The following LRCH1 variants were observed in gnomAD, a reference collection of about 807,000 sequenced individuals.
LRCH1 encodes leucine rich repeats and calponin homology domain containing 1, also known as leucine-rich repeat and calponin homology domain-containing protein 1.
Under a neutral mutation model 94.9 loss-of-function variants are expected in LRCH1, and 23 were observed. The observed-to-expected ratio is 0.24, with a 90% CI of 0.17 to 0.34. The LOEUF is 0.34. Ranked by LOEUF, LRCH1 falls within the 10% of genes least tolerant of loss-of-function variation. The probability of loss-of-function intolerance (pLI) is 1.00; values close to 1 mark genes in which losing one functional copy is unlikely to be tolerated. For missense variants in LRCH1, 790 were observed against 945.9 expected (o/e 0.84, Z 2.16); for synonymous variants, 364 against 354.9 (o/e 1.03, Z -0.29).
At chr13:46,564,637 CACCCACCTGAGGGA>C (rs1161869997) in intron 1 of LRCH1, among the ~76,000 whole-genome samples, 1 of 152,230 alleles carries the variant, frequency 6.6e-6, no homozygotes, top group Non-Finnish European at 1.5e-5. Flanking sequence ...GCCGGGGAGC[CACCCACCTGAGGGA>C]GGCGTGCAGG....
At chr13:46,699,502 G>A in intron 10 of LRCH1, 99 bp downstream of exon 10, 1 of 1,007,570 alleles carries the variant, frequency 9.9e-7, no homozygotes, top group Non-Finnish European at 1.6e-6. Flanking sequence ...CTGCTTTTCT[G>A]TGGGCAAGCT....
At chr13:46,693,151 A>G (rs1369221370) in intron 8 of LRCH1, among the ~76,000 whole-genome samples, 2 of 151,856 alleles carry the variant, frequency 1.3e-5, no homozygotes, top group African/African-American at 2.4e-5. Flanking sequence ...CTTTAAATCC[A>G]TTCTTGGAAA....
At position 46,705,989 on chromosome 13, in the gene LRCH1, A is replaced by G. The variant is rs116996003; in HGVS notation, c.1527+685A>G. Among the ~76,000 whole-genome samples, 919 of 152,336 alleles carry G rather than the reference A, an allele frequency of 6.0e-3. 5 individuals carry two copies. Among genetic ancestry groups the G allele is most frequent in the Non-Finnish European group, 8.5e-3 (580 of 68,022 alleles). On this transcript the variant is annotated intron_variant, in intron 13 of 19. Transcript: ENST00000389797. Reference sequence around the variant, plus strand: ...AACCCATTTCCTGAATGGATTTAGGATGGCTAATTTAGGCACCAAGATTGT... The same window carrying G: ...AACCCATTTCCTGAATGGATTTAGGGTGGCTAATTTAGGCACCAAGATTGT...
At chr13:46,634,968 A>G (rs933755464) in intron 1 of LRCH1, among the ~76,000 whole-genome samples, 5 of 152,214 alleles carry the variant, frequency 3.3e-5, no homozygotes, top group African/African-American at 9.7e-5. Context: ...AGTTAGATAC[A>G]TGCTCTGGGA....
intron 5 of LRCH1, among the ~76,000 whole-genome samples, chr13:46,687,299 A>C (rs1478279517): frequency 6.6e-6 from 1 of 152,224 alleles, no homozygotes; most frequent in African/African-American, 2.4e-5. Context: ...AATGGAATTT[A>C]AACACCTTAA....
intron 1 of LRCH1, among the ~76,000 whole-genome samples, chr13:46,590,941 C>T (rs2137961772): frequency 6.6e-6 from 1 of 151,874 alleles, no homozygotes; most frequent in Admixed American, 6.6e-5. Context: ...TGAGATGTTT[C>T]TTCTCTGAAC....
At chr13:46,597,647 G>A (rs1025790381) in intron 1 of LRCH1, among the ~76,000 whole-genome samples, 7 of 152,078 alleles carry the variant, frequency 4.6e-5, no homozygotes, top group Non-Finnish European at 7.4e-5. Flanking sequence ...GTGAACCACC[G>A]CGCCTGGCCC....
rs780117234 is a variant in LRCH1 at position 46,744,108 on chromosome 13, G to A, written c.*2260G>A. ...CATTAATTTCTAATCAGAATATTAA[G>A]CTTCTCTGTGGTTTTTCTCCAAGGT... On this transcript the variant is annotated 3_prime_UTR_variant, in exon 20 of 20. Coordinates refer to ENST00000389797, the MANE Select transcript of LRCH1 (RefSeq NM_001164211.2). 2 of 985,344 alleles carry A rather than the reference G, an allele frequency of 2.0e-6. No homozygotes were observed. Among genetic ancestry groups the A allele is most frequent in the Non-Finnish European group, 2.4e-6 (2 of 829,928 alleles). The allele number at this position is 985,344 out of a possible 1,614,324, so 61.0% of individuals were successfully genotyped here.
At chr13:46,615,363 C>T (rs1217273172) in intron 1 of LRCH1, among the ~76,000 whole-genome samples, 1 of 152,126 alleles carries the variant, frequency 6.6e-6, no homozygotes, top group East Asian at 1.9e-4. Context: ...CCAACCAGCT[C>T]TTGTGTGAAC....
chr13:46,638,441 A>G (rs2138058824), intron 1 of LRCH1, among the ~76,000 whole-genome samples: 1 of 152,344 alleles, frequency 6.6e-6, no homozygotes. Context: ...TACTGATGTA[A>G]TTAATACCAT....
At chr13:46,623,693 GTTTTTTTTTTTTTTCTTTTTCT>G (rs1216283244) in intron 1 of LRCH1, among the ~76,000 whole-genome samples, 2 of 128,504 alleles carry the variant, frequency 1.6e-5, no homozygotes, top group Non-Finnish European at 3.2e-5. Context: ...CCCTGTCTCT[GTTTTTTTTTTTTTTCTTTTTCT>G]TTTTTTTTTA....
chr13:46,705,351 A>C (rs200570819), intron 13 of LRCH1, 47 bp downstream of exon 13: 1 of 1,523,294 alleles, frequency 6.6e-7, no homozygotes, highest in Admixed American at 1.7e-5. Context: ...ATATTTTGCC[A>C]TGGAATACTG....
chr13:46,732,605 T>C (rs112924146), intron 18 of LRCH1, among the ~76,000 whole-genome samples: 45 of 152,286 alleles, frequency 3.0e-4, no homozygotes, highest in African/African-American at 1.1e-3. Flanking sequence ...CCTAAGGACA[T>C]CTTTGGAGTT....
intron 1 of LRCH1, among the ~76,000 whole-genome samples, chr13:46,627,218 C>T (rs952897295): frequency 2.6e-5 from 4 of 152,184 alleles, no homozygotes; most frequent in African/African-American, 9.7e-5. Context: ...CATGTAATCA[C>T]ACAATGCTTA....
chr13:46,675,398 A>G (rs1414042801), intron 3 of LRCH1, among the ~76,000 whole-genome samples: 1 of 152,162 alleles, frequency 6.6e-6, no homozygotes, highest in East Asian at 1.9e-4. Context: ...GTGTGTGAAA[A>G]TCATGTCTTC....
chr13:46,720,207 C>T (rs1011445646), intron 16 of LRCH1, among the ~76,000 whole-genome samples: 11 of 151,736 alleles, frequency 7.2e-5, no homozygotes, highest in South Asian at 6.2e-4. Context: ...GGCAATATGG[C>T]GAAACCCCAC....
chr13:46,726,862 C>T (rs1484606881), intron 17 of LRCH1, among the ~76,000 whole-genome samples: 2 of 78,014 alleles, frequency 2.6e-5, no homozygotes, highest in East Asian at 3.3e-4. Context: ...AGAGCAGTGT[C>T]AAAAAAAAAA....
intron 1 of LRCH1, among the ~76,000 whole-genome samples, chr13:46,607,521 A>C (rs1356254474): frequency 6.6e-6 from 1 of 152,194 alleles, no homozygotes; most frequent in Non-Finnish European, 1.5e-5. Context: ...TACCATGTGC[A>C]TAAATGATGA....
intron 18 of LRCH1, 117 bp downstream of exon 18, chr13:46,729,101 C>T: frequency 1.0e-6 from 1 of 967,558 alleles, no homozygotes; most frequent in Non-Finnish European, 1.4e-6. Context: ...TCCATTGGGC[C>T]CCAAACCATT....
Sources: allele counts gnomAD v4.1 joint callset (sites outside exome capture counted in the v4.1 genomes callset), GRCh38; gene constraint gnomAD v4.1.1; transcripts MANE v1.5; gene names NCBI Gene and HGNC (gene_info 2026-07-23, HGNC 2026-07-21).